MAST1: variants seen among roughly 807,000 people sequenced by gnomAD.
The protein encoded by MAST1 is microtubule-associated serine/threonine-protein kinase 1.
In MAST1, 40 loss-of-function variants were observed where a neutral mutation model predicts 124.6. The ratio of observed to expected loss-of-function variants is 0.32; its 90% CI spans 0.25 to 0.42. MAST1 has a LOEUF of 0.42. Ranked by LOEUF, MAST1 falls within the 10% of genes least tolerant of loss-of-function variation. MAST1 has a pLI of 1.00. For missense variants in MAST1, 1,558 were observed against 2,181.9 expected, an observed-to-expected ratio of 0.71 and a Z score of 5.70; for synonymous variants, 938 against 939.4, an observed-to-expected ratio of 1.00 and a Z score of 0.03.
intron 1 of MAST1, among the ~76,000 whole-genome samples, chr19:12,839,019 C>A (rs1191162880): frequency 9.9e-5 from 15 of 152,032 alleles, no homozygotes; most frequent in Non-Finnish European, 2.2e-4. Context: ...CACCCCCATG[C>A]CGCGTGCTCC....
At position 12,874,826 on chromosome 19, in the gene MAST1, C is replaced by T; in HGVS notation, c.4669C>T (p.Leu1557=). ...TGCTGAAGCTGTGCCCCCAGCAGGC[C>T]TGACCAAAAAAGGAGTGTCCAGTCC... ...CPAEAVPPAG[L]TKKGVSSPAP... The change falls in exon 26 of 26, where the codon CTG becomes TTG. Residue 1557 remains leucine, a synonymous_variant. Coordinates refer to ENST00000251472, the MANE Select transcript of MAST1 (RefSeq NM_014975.3). This position sits in a 1 kb window ranked among gnomAD's most constrained non-coding sequence, Gnocchi z 6.6. The T allele has an allele frequency of 6.3e-7, 1 of 1,599,562 alleles. No individual in the cohort carries two copies. Among genetic ancestry groups the T allele is most frequent in the Non-Finnish European group, 8.5e-7 (1 of 1,171,194 alleles).
chr19:12,842,847 CAT>C lies in MAST1; in HGVS notation c.249-681_249-680del, dbSNP rs1196907714. Among the ~76,000 whole-genome samples, 10 of 152,220 alleles carry C rather than the reference CAT, an allele frequency of 6.6e-5. No individual in the cohort carries two copies. In the East Asian group the frequency reaches 1.7e-3, roughly 26 times the overall value. ...CGAGTGTGAGTACTGAGTGGAAGCA[CAT>C]GTGTCTATAGGTGAGTGCATGTCTG... On this transcript the variant is annotated intron_variant, in intron 3 of 25. Transcript: ENST00000251472.
intron 12 of MAST1, among the ~76,000 whole-genome samples, chr19:12,863,108 G>C (rs888382716): frequency 7.2e-6 from 1 of 139,290 alleles, no homozygotes; most frequent in Admixed American, 7.9e-5. Flanking sequence ...GCAGTGAGCC[G>C]AGATGGAGCC....
In MAST1 at chr19:12,858,320, CATG is replaced by C. The variant is rs534614426; in HGVS notation, c.1078-32_1078-30del. The C allele has an allele frequency of 7.0e-3, 10,851 of 1,543,014 alleles. 57 individuals carry two copies. The highest frequency in any genetic ancestry group is 0.022 in the Middle Eastern group (129 of 5,844). On this transcript the variant is annotated intron_variant, in intron 10 of 25. Transcript: ENST00000251472. ...AATGAAATTAAAAGCATCCTGCTCT[CATG>C]ATGATGATGGTGGTGTGGTCTCCAT...
At chr19:12,868,103 A>ATTTTTTTTTTCTTTTT (rs1970182121) in intron 20 of MAST1, 126 bp downstream of exon 20, 1 of 291,088 alleles carries the variant, frequency 3.4e-6, no homozygotes, top group African/African-American at 4.4e-5. Flanking sequence ...GCAATTTGGG[A>ATTTTTTTTTTCTTTTT]TTTTTTTTTT....
Position 12,867,564 on chromosome 19 carries a change from G to A in MAST1, c.2230G>A (p.Gly744Ser), listed in dbSNP as rs746887435. ...CAGCAAGCGGGAGCCGAGCACCAAG[G>A]GCCCCGAGGAGAAGGTGGCCGGCAA... Reference protein sequence around the residue: ...GSSKREPSTKGPEEKVAGKRE... With the variant: ...GSSKREPSTKSPEEKVAGKRE... Residue 744 changes from glycine to serine, a missense_variant, in exon 19 of 26, where the codon GGC becomes AGC. Transcript: ENST00000251472. The A allele has an allele frequency of 1.2e-5, 20 of 1,613,504 alleles. No individual in the cohort carries two copies. Among genetic ancestry groups the A allele is most frequent in the Non-Finnish European group, 1.1e-5 (13 of 1,179,888 alleles).
Position 12,873,372 on chromosome 19 carries a change from G to T in MAST1, c.3312G>T (p.Leu1104=), listed in dbSNP as rs764013299. Residue 1104 remains leucine (L), a synonymous_variant, in exon 25 of 26, where the codon CTG becomes CTT. Coordinates refer to ENST00000251472, the MANE Select transcript of MAST1 (RefSeq NM_014975.3). ...GGAAGATCACGAAGCAGTCGAACCT[G>T]CTGCATACTAGCCGCTCGCTGTCGT... ...LFRKITKQSN[L]LHTSRSLSSL... is the part of the protein sequence containing the mutation. 1 of 1,614,070 alleles carries T rather than the reference G, an allele frequency of 6.2e-7. No homozygotes were observed. Among genetic ancestry groups the T allele is most frequent in the African/African-American group, 1.3e-5 (1 of 75,062 alleles).
At chr19:12,867,375 G>T in intron 18 of MAST1, 99 bp from the exon 19 acceptor site, 1 of 1,376,738 alleles carries the variant, frequency 7.3e-7, no homozygotes, top group Non-Finnish European at 1.0e-6. Flanking sequence ...GCCTCGGAGG[G>T]TGGAGTGCGT....
chr19:12,849,203 A>G (rs979810808), intron 7 of MAST1, among the ~76,000 whole-genome samples: 10 of 152,122 alleles, frequency 6.6e-5, no homozygotes, highest in Admixed American at 5.9e-4. Context: ...AGCACACAGT[A>G]GGTACTCAAT....
At chr19:12,852,771 T>C (rs10423124) in intron 10 of MAST1, among the ~76,000 whole-genome samples, 50,105 of 151,120 alleles carry the variant, frequency 0.33, 8,873 homozygotes, top group East Asian at 0.63. Flanking sequence ...ATCACTTGAA[T>C]CCAGGAGGCA....
Position 12,852,593 on chromosome 19 carries a change from C to A in MAST1, c.1077+198C>A, listed in dbSNP as rs533947982. Among the ~76,000 whole-genome samples the A allele has an allele frequency of 2.6e-5, 4 of 152,062 alleles. No individual in the cohort carries two copies. In the South Asian group the frequency reaches 8.3e-4, roughly 32 times the overall value. On this transcript the variant is annotated intron_variant, in intron 10 of 25. Coordinates refer to ENST00000251472, the MANE Select transcript of MAST1 (RefSeq NM_014975.3). ...CTGGCTCATGCCTGTAATCCCAGCA[C>A]TTTGGGAGGCCAAGGTGGGCAGATC...
intron 7 of MAST1, among the ~76,000 whole-genome samples, chr19:12,849,435 G>A (rs1293736188): frequency 2.6e-5 from 4 of 151,970 alleles, no homozygotes; most frequent in East Asian, 3.9e-4. Flanking sequence ...AGGCTGAGGC[G>A]AGCAGATCAC....
intron 1 of MAST1, among the ~76,000 whole-genome samples, chr19:12,839,919 A>G (rs1555741003): frequency 6.6e-6 from 1 of 152,152 alleles, no homozygotes; most frequent in Non-Finnish European, 1.5e-5. Flanking sequence ...AAAGAAAAAA[A>G]ATAATAATAA....
rs142967702 is a variant in MAST1 at position 12,868,657 on chromosome 19, C to A, written c.2581C>A (p.Pro861Thr). The change falls in exon 21 of 26, where the codon CCA becomes ACA. Residue 861 changes from proline to threonine, a missense_variant. This residue lies in a region of MAST1 where 287 missense variants were observed against 308.0 expected (regional missense o/e 0.93). Coordinates refer to ENST00000251472, the MANE Select transcript of MAST1 (RefSeq NM_014975.3). ...TTCTGTTGCAGCTGACCGTCCACGCCCAGGTGACCTCTGCCCACCCTCGAA... is the reference window on the plus strand; with the variant it reads ...TTCTGTTGCAGCTGACCGTCCACGCACAGGTGACCTCTGCCCACCCTCGAA... ...GDSEATDRPR[P>T]GDLCPPSKDG... 3.8e-6 allele frequency: 6 copies of A among 1,597,212 alleles called. No individual in the cohort carries two copies. The highest frequency in any genetic ancestry group is 4.3e-6 in the Non-Finnish European group (5 of 1,169,622).
rs1970142620 is a variant in MAST1, at chr19:12,865,657, T to A, written c.1805-60T>A. ...ACTCCAGCTGGGTGACACAGTGAGA[T>A]CCTGTGTCCAAACAACAACAACAAC... On this transcript the variant is annotated intron_variant, in intron 15 of 25. Coordinates refer to ENST00000251472, the MANE Select transcript of MAST1 (RefSeq NM_014975.3). The surrounding 1 kb of genome is among the most constrained non-coding windows in gnomAD (Gnocchi z 7.1). 6.8e-7 allele frequency: 1 copy of A among 1,466,546 alleles called. No individual in the cohort carries two copies. The highest frequency in any genetic ancestry group is 1.4e-5 in the African/African-American group (1 of 69,042). 90.8% of individuals were successfully genotyped at this position (1,466,546 alleles called of 1,614,324 possible).
At position 12,847,749 on chromosome 19, in the gene MAST1, T is replaced by TCCCC; in HGVS notation, c.564+63_564+66dup. ...GCGGCCTGCACTCTCGCTCGCCTTA[T>TCCCC]CCCCGCGCGCCCCCTGGCGGCCTCG... On this transcript the variant is annotated intron_variant, in intron 6 of 25. Coordinates refer to ENST00000251472, the MANE Select transcript of MAST1 (RefSeq NM_014975.3). The surrounding 1 kb of genome is among the most constrained non-coding windows in gnomAD (Gnocchi z 5.5). 3 of 1,593,524 alleles carry TCCCC rather than the reference T, an allele frequency of 1.9e-6. No homozygotes were observed. Among genetic ancestry groups the TCCCC allele is most frequent in the Non-Finnish European group, 2.6e-6 (3 of 1,167,252 alleles).
rs1301334520 is a variant in MAST1 at position 12,843,488 on chromosome 19, C to T, written c.249-41C>T. On this transcript the variant is annotated intron_variant, in intron 3 of 25. Transcript: ENST00000251472. The surrounding 1 kb of genome is among the most constrained non-coding windows in gnomAD (Gnocchi z 4.9). Reference sequence around the variant, plus strand: ...CACACCCTGAGGAGTTGGGGGACCGCTGGGGCCTTGTGGCCTCTGAGCACC... The same window carrying T: ...CACACCCTGAGGAGTTGGGGGACCGTTGGGGCCTTGTGGCCTCTGAGCACC... 4 of 1,567,328 alleles carry T rather than the reference C, an allele frequency of 2.6e-6. No homozygotes were observed. The highest frequency in any genetic ancestry group is 1.4e-5 in the African/African-American group (1 of 73,958).
intron 3 of MAST1, among the ~76,000 whole-genome samples, chr19:12,842,398 T>A (rs1446407735): frequency 6.6e-6 from 1 of 152,056 alleles, no homozygotes; most frequent in East Asian, 1.9e-4. Flanking sequence ...GTTCAAGCGA[T>A]TCTCCTGCCT....
At chr19:12,849,013 T>A (rs8110185) in intron 7 of MAST1, 49,130 of 152,110 alleles carry the variant, frequency 0.32, 8,439 homozygotes, top group East Asian at 0.63. Context: ...CTCACATTTA[T>A]CACCCACTTT....
Sources: gnomAD v4.1 joint callset for allele counts (sites outside exome capture counted in the v4.1 genomes callset) on GRCh38, gnomAD v4.1.1 for gene constraint, gnomAD v4.1.1 regional missense constraint, Gnocchi (gnomAD v3.1) non-coding constraint, MANE v1.5 for transcripts, NCBI Gene and HGNC (gene_info 2026-07-23, HGNC 2026-07-21) for gene names.